SOX6: variants seen among roughly 807,000 people sequenced by gnomAD.
The protein encoded by SOX6 is SRY-box transcription factor 6.
Under a neutral mutation model 97.8 loss-of-function variants are expected in SOX6, and 11 were observed. The ratio of observed to expected loss-of-function variants is 0.11; its 90% confidence interval spans 0.07 to 0.19. The LOEUF (loss-of-function observed/expected upper bound fraction) is 0.19, where lower values mean the gene tolerates loss of function less well. SOX6 is among the 10% of genes least tolerant of loss of function. The pLI is 1.00. For missense variants in SOX6, 810 were observed against 1,039.5 expected, an observed-to-expected ratio of 0.78 and a Z score of 3.04; for synonymous variants, 360 against 371.4, an observed-to-expected ratio of 0.97 and a Z score of 0.35.
At chr11:16,285,161 T>C (rs1854694972) in intron 3 of SOX6, among the ~76,000 whole-genome samples, 1 of 152,152 alleles carries the variant, frequency 6.6e-6, no homozygotes, top group Non-Finnish European at 1.5e-5. Flanking sequence ...GACATTAAAA[T>C]ATCAAATAAC....
rs551365820 is a variant in SOX6, at chr11:16,262,776, T to C, written c.446-28105A>G. 2.0e-5 allele frequency among the ~76,000 whole-genome samples: 3 copies of C among 152,128 alleles called. No individual in the cohort carries two copies. In the East Asian group the frequency reaches 5.8e-4, roughly 29 times the overall value. ...GAAAAACTGTGGTAACATCTTGAGT[T>C]CAGATCAATGATGCATTTAGATCAA... On this transcript the variant is annotated intron_variant, in intron 3 of 15. Transcript: ENST00000683767.
chr11:15,986,120 C>A lies in SOX6; in HGVS notation c.2183+84G>T, dbSNP rs968791350. The A allele has an allele frequency of 9.5e-6, 12 of 1,266,820 alleles. No individual in the cohort carries two copies. In the Admixed American group the frequency reaches 2.0e-4, roughly 21 times the overall value. The allele number at this position is 1,266,820 out of a possible 1,614,324, so 78.5% of individuals were successfully genotyped here. The stretch of plus-strand genomic sequence containing the variant: ...CACAACCTCCTCTTTCCCTAATCTC[C>A]TTCCCAAACATACTGCCAGTAGCCA... On this transcript the variant is annotated intron_variant, in intron 15 of 15. Transcript: ENST00000683767.
At chr11:16,631,936 G>C (rs1848712728) in intron 3 of SOX6, among the ~76,000 whole-genome samples, 1 of 152,118 alleles carries the variant, frequency 6.6e-6, no homozygotes, top group Non-Finnish European at 1.5e-5. Context: ...CAGAAGCTCT[G>C]ATTTATTTTT....
chr11:16,433,284 G>A (rs1024946711), intron 1 of SOX6, among the ~76,000 whole-genome samples: 8 of 151,882 alleles, frequency 5.3e-5, no homozygotes, highest in African/African-American at 1.7e-4. Context: ...AAAAAATGAC[G>A]AAGCCCTTCC....
chr11:15,972,772 A>G lies in SOX6; in HGVS notation c.*37T>C, dbSNP rs1374502484. ...AACTCTTTGTTGGGGAGGGGGGTGA[A>G]ATGTCAGAGTACTTTAATTCAGCAA... On this transcript the variant is annotated 3_prime_UTR_variant, in exon 16 of 16. Coordinates refer to ENST00000683767, the MANE Select transcript of SOX6 (RefSeq NM_001367873.1). 1.2e-6 allele frequency: 2 copies of G among 1,611,992 alleles called. No individual in the cohort carries two copies. Among genetic ancestry groups the G allele is most frequent in the Non-Finnish European group, 1.7e-6 (2 of 1,178,220 alleles).
chr11:16,287,292 T>TCA (rs1181480588), intron 3 of SOX6, among the ~76,000 whole-genome samples: 1 of 90,996 alleles, frequency 1.1e-5, no homozygotes, highest in African/African-American at 3.9e-5. Context: ...TCTCTCTCTC[T>TCA]CTCTCTCACA....
chr11:16,662,937 C>T (rs1847777151), intron 3 of SOX6, among the ~76,000 whole-genome samples: 2 of 152,000 alleles, frequency 1.3e-5, no homozygotes, highest in Admixed American at 6.6e-5. Context: ...AGCAATTCTC[C>T]CACCTTGGCC....
chr11:16,218,662 T>G (rs578084560), intron 4 of SOX6, among the ~76,000 whole-genome samples: 1 of 152,254 alleles, frequency 6.6e-6, no homozygotes, highest in East Asian at 1.9e-4. Context: ...AAAACATATT[T>G]TAAAGCTATG....
intron 3 of SOX6, among the ~76,000 whole-genome samples, chr11:16,671,395 A>G (rs531107206): frequency 6.6e-6 from 1 of 152,362 alleles, no homozygotes; most frequent in South Asian, 2.1e-4. Context: ...GAAAACAAGA[A>G]TTGCAATAAA....
At chr11:16,187,628 C>A (rs1253607309) in intron 4 of SOX6, among the ~76,000 whole-genome samples, 1 of 151,986 alleles carries the variant, frequency 6.6e-6, no homozygotes, top group Non-Finnish European at 1.5e-5. Flanking sequence ...CTCTATCACC[C>A]CTTTGTCATT....
At chr11:16,635,140 G>C (rs1214162153) in intron 3 of SOX6, among the ~76,000 whole-genome samples, 1 of 152,152 alleles carries the variant, frequency 6.6e-6, no homozygotes, top group Non-Finnish European at 1.5e-5. Context: ...CAGGTAGTGG[G>C]GCACTGCTGT....
intron 6 of SOX6, among the ~76,000 whole-genome samples, chr11:16,127,536 G>T (rs1849637507): frequency 1.3e-5 from 2 of 152,028 alleles, no homozygotes; most frequent in African/African-American, 4.8e-5. Context: ...ATGTTAGGAA[G>T]AATGGTATAA....
At chr11:16,117,406 C>T (rs776046829) in intron 6 of SOX6, among the ~76,000 whole-genome samples, 3 of 152,020 alleles carry the variant, frequency 2.0e-5, no homozygotes, top group African/African-American at 7.2e-5. Flanking sequence ...GCAAAGGCAA[C>T]GAGGGTCTAT....
chr11:16,510,940 C>G (rs1860871541), intron 4 of SOX6, among the ~76,000 whole-genome samples: 1 of 151,976 alleles, frequency 6.6e-6, no homozygotes, highest in Non-Finnish European at 1.5e-5. Flanking sequence ...TATAATAAAA[C>G]CCCCAACATT....
intron 6 of SOX6, among the ~76,000 whole-genome samples, chr11:16,161,805 G>T (rs1484566743): frequency 1.3e-5 from 2 of 152,120 alleles, no homozygotes; most frequent in Non-Finnish European, 2.9e-5. Context: ...TTCTCACTTG[G>T]CCTTGCCTTA....
At chr11:16,187,540 T>C (rs1389440762) in intron 4 of SOX6, among the ~76,000 whole-genome samples, 2 of 151,966 alleles carry the variant, frequency 1.3e-5, no homozygotes, top group Non-Finnish European at 2.9e-5. Flanking sequence ...AGATTGAATG[T>C]GATTTTTTTT....
intron 3 of SOX6, among the ~76,000 whole-genome samples, chr11:16,301,702 T>A (rs941200222): frequency 6.6e-6 from 1 of 152,078 alleles, no homozygotes; most frequent in African/African-American, 2.4e-5. Flanking sequence ...GATTATGGAG[T>A]TTCCACATAT....
chr11:16,349,699 AGG>A (rs1856871212), intron 1 of SOX6, among the ~76,000 whole-genome samples: 8 of 73,546 alleles, frequency 1.1e-4, no homozygotes, highest in African/African-American at 3.2e-4. Flanking sequence ...GAAGGAAGGA[AGG>A]AAGGAAGGAA....
intron 3 of SOX6, among the ~76,000 whole-genome samples, chr11:16,710,373 CAAT>C (rs1278183604): frequency 6.6e-6 from 1 of 152,238 alleles, no homozygotes; most frequent in Non-Finnish European, 1.5e-5. Flanking sequence ...AACTAAGACT[CAAT>C]GATGTGAAAT....
Sources: allele counts gnomAD v4.1 joint callset (sites outside exome capture counted in the v4.1 genomes callset), GRCh38; gene constraint gnomAD v4.1.1; transcripts MANE v1.5; gene names NCBI Gene and HGNC (gene_info 2026-07-23, HGNC 2026-07-21).